Variants in FN1 observed in about 807,000 individuals in gnomAD.
The protein encoded by FN1 is fibronectin 1.
FN1 carries 106 observed loss-of-function variants against 297.3 expected under a neutral mutation model. The observed-to-expected ratio is 0.36, with a 90% CI of 0.30 to 0.42. The LOEUF (loss-of-function observed/expected upper bound fraction) is 0.42. FN1 is among the 10% of genes least tolerant of loss of function. The pLI, the probability that FN1 is intolerant of heterozygous loss-of-function variation, is 1.00. For missense variants in FN1, 2,690 were observed against 3,124.9 expected (o/e 0.86, Z 3.32); for synonymous variants, 1,149 against 1,152.6 (o/e 1.00, Z 0.06).
rs374112006 is a variant in FN1 at position 215,376,653 on chromosome 2, G to A, written c.5732C>T (p.Ala1911Val). ...GGTCTCAGTAGCATCTGTCACACGAGCCCTTCTTGGTGGGCTGACATCTGC... is the reference window on the plus strand; with the variant it reads ...GGTCTCAGTAGCATCTGTCACACGAACCCTTCTTGGTGGGCTGACATCTGC... ...TLENVSPPRR[A>V]RVTDATETTI... Residue 1911 changes from alanine to valine, a missense_variant, in exon 36 of 46, where the codon GCT (alanine) becomes GTT (valine). Ala to Val is a moderately conservative substitution (Grantham distance 64). Transcript: ENST00000354785. 157 of 1,613,910 alleles carry A rather than the reference G, an allele frequency of 9.7e-5. No homozygotes were observed. Among genetic ancestry groups the A allele is most frequent in the Non-Finnish European group, 1.3e-4 (155 of 1,180,006 alleles).
chr2:215,427,004 T>A (rs2065570360), intron 6 of FN1, among the ~76,000 whole-genome samples: 1 of 151,470 alleles, frequency 6.6e-6, no homozygotes, highest in African/African-American at 2.4e-5. Flanking sequence ...GCCTCCCGAG[T>A]AGCTGGGACT....
chr2:215,371,678 T>C (rs1167926142), intron 40 of FN1, among the ~76,000 whole-genome samples: 2 of 148,968 alleles, frequency 1.3e-5, no homozygotes, highest in Non-Finnish European at 3.0e-5. Context: ...AGCCACTTTT[T>C]TTTTTTTTTT....
At position 215,375,244 on chromosome 2, in the gene FN1, G is replaced by A. The variant is rs781268073; in HGVS notation, c.6127C>T (p.Arg2043Cys). The change falls in exon 38 of 46, where the codon CGC (arginine) becomes TGC (cysteine). Residue 2043 changes from arginine to cysteine, a missense_variant. Around this residue, in one of 3 missense-constraint regions of FN1, gnomAD observed 1,743 missense variants for 1,945.2 expected, o/e 0.90. Coordinates refer to ENST00000354785, the MANE Select transcript of FN1 (RefSeq NM_212482.4). ...SPPREVVPRP[R>C]PGVTEATITG... ...ATAGTAGCCTCTGTGACACCAGGGC[G>A]GGGCCGAGGGACCACTTCTCTGGGA... is the stretch of plus-strand genomic sequence containing the variant. 2.9e-5 allele frequency: 46 copies of A among 1,613,986 alleles called. No individual in the cohort carries two copies. Among genetic ancestry groups the A allele is most frequent in the East Asian group, 6.7e-5 (3 of 44,886 alleles).
At chr2:215,419,193 GTTATAA>G in intron 12 of FN1, 43 bp downstream of exon 12, 2 of 1,576,706 alleles carry the variant, frequency 1.3e-6, no homozygotes, top group South Asian at 2.2e-5. Context: ...CTGCCCTGTT[GTTATAA>G]CCCAATTGGC....
rs773443086 is a variant in FN1 at position 215,367,966 on chromosome 2, A to G, written c.6915T>C (p.His2305=). 21 of 1,614,054 alleles carry G rather than the reference A, an allele frequency of 1.3e-5. No homozygotes were observed. The highest frequency in any genetic ancestry group is 2.7e-5 in the African/African-American group (2 of 74,942). The part of the protein sequence containing the change: ...DSCFDPYTVS[H]YAVGDEWERM... Reference sequence around the variant, plus strand: ...GTTCCCACTCATCTCCAACGGCATAATGGGAAACTGTGTAGGGGTCAAAGC... The same window carrying G: ...GTTCCCACTCATCTCCAACGGCATAGTGGGAAACTGTGTAGGGGTCAAAGC... Residue 2305 remains histidine, a synonymous_variant, in exon 42 of 46, where the codon CAT becomes CAC. Transcript: ENST00000354785.
chr2:215,392,639 C>G, intron 25 of FN1: 1 of 422,658 alleles, frequency 2.4e-6, no homozygotes, highest in Non-Finnish European at 4.4e-6. Context: ...AATTCTAGGT[C>G]TTCAAATTGA....
intron 44 of FN1, chr2:215,364,654 A>G: frequency 1.7e-6 from 1 of 589,852 alleles, no homozygotes; most frequent in Non-Finnish European, 3.0e-6. Context: ...TCTACATGCC[A>G]TTCATTCATT....
chr2:215,435,820 G>C lies in FN1; in HGVS notation c.-18C>G. 6.5e-7 allele frequency: 1 copy of C among 1,530,228 alleles called. No homozygotes were observed. Among genetic ancestry groups the C allele is most frequent in the Non-Finnish European group, 8.8e-7 (1 of 1,140,822 alleles). 94.8% of individuals were successfully genotyped at this position (1,530,228 alleles called of 1,614,324 possible). A position where few individuals can be genotyped will look rare whatever the true frequency, so the allele number is the denominator to read the frequency against. On this transcript the variant is annotated 5_prime_UTR_variant, in exon 1 of 46. Coordinates refer to ENST00000354785, the MANE Select transcript of FN1 (RefSeq NM_212482.4). ...CTAAGCATGTTGAGACGGTGGGGGA[G>C]AGACGCCCGCACCGGGAGGCAAGTT...
chr2:215,381,027 T>G lies in FN1; in HGVS notation c.5218A>C (p.Lys1740Gln). 1 of 1,614,258 alleles carries G rather than the reference T, an allele frequency of 6.2e-7. No individual in the cohort carries two copies. The change falls in exon 33 of 46, where the codon AAA becomes CAA. Residue 1740 changes from lysine (K) to glutamine (Q), a missense_variant. Coordinates refer to ENST00000354785, the MANE Select transcript of FN1 (RefSeq NM_212482.4). ...CCCTGTGGGCTTTCCCAAGCAATTT[T>G]GATGGAATCGACATCCACATCAGTG... ...AFTDVDVDSI[K>Q]IAWESPQGQV...
rs1426137436 is a variant in FN1 at position 215,379,190 on chromosome 2, T to C, written c.5562A>G (p.Gly1854=). Residue 1854 remains glycine (G), a synonymous_variant, in exon 34 of 46, where the codon GGA becomes GGG. Coordinates refer to ENST00000354785, the MANE Select transcript of FN1 (RefSeq NM_212482.4). ...RVRVTPKEKT[G]PMKEINLAPD... ...GAGCAAGGTTGATTTCTTTCATTGG[T>C]CCGGTCTTCTCCTTGGGGGTCACCC... 1 of 1,613,942 alleles carries C rather than the reference T, an allele frequency of 6.2e-7. No individual in the cohort carries two copies. Among genetic ancestry groups the C allele is most frequent in the Admixed American group, 1.7e-5 (1 of 59,990 alleles).
At chr2:215,423,086 AT>A (rs1450532611) in intron 9 of FN1, among the ~76,000 whole-genome samples, 2 of 152,286 alleles carry the variant, frequency 1.3e-5, no homozygotes, top group Non-Finnish European at 2.9e-5. Context: ...ATAAGTAATT[AT>A]ATTTTTGACA....
At chr2:215,366,731 A>G (rs982937629) in intron 42 of FN1, among the ~76,000 whole-genome samples, 3 of 152,240 alleles carry the variant, frequency 2.0e-5, no homozygotes, top group Non-Finnish European at 4.4e-5. Flanking sequence ...AACAAAGATT[A>G]TGTAAGTTGA....
Position 215,409,567 on chromosome 2 carries a change from G to A in FN1, c.2295C>T (p.Tyr765=). 2 of 1,613,078 alleles carry A rather than the reference G, an allele frequency of 1.2e-6. No homozygotes were observed. The highest frequency in any genetic ancestry group is 1.7e-6 in the Non-Finnish European group (2 of 1,179,944). ...ELSEEGDEPQ[Y]LDLPSTATSV... is the part of the protein sequence containing the mutation. ...TGAGCGACATATTGAGCTTACCCAG[G>A]TACTGTGGCTCATCTCCCTCCTCAC... The change falls in exon 15 of 46, where the codon TAC becomes TAT. Residue 765 remains tyrosine, a synonymous_variant. Transcript: ENST00000354785.
At chr2:215,366,098 G>A (rs1253585873) in intron 42 of FN1, among the ~76,000 whole-genome samples, 14 of 151,520 alleles carry the variant, frequency 9.2e-5, no homozygotes, top group Admixed American at 2.0e-4. Flanking sequence ...GATTACAGGT[G>A]TGAGCCACCA....
intron 44 of FN1, among the ~76,000 whole-genome samples, chr2:215,364,093 A>C (rs2054054351): frequency 6.6e-6 from 1 of 152,128 alleles, no homozygotes; most frequent in South Asian, 2.1e-4. Flanking sequence ...CCTACCCAGA[A>C]CTGTATTTGT....
chr2:215,423,567 G>A (rs932386267), intron 8 of FN1, 41 bp from the exon 9 acceptor site: 27 of 1,588,172 alleles, frequency 1.7e-5, no homozygotes, highest in South Asian at 2.2e-5. Context: ...AAAGATTACC[G>A]CTGAGCTTTC....
At position 215,384,181 on chromosome 2, in the gene FN1, C is replaced by T. The variant is rs758511953; in HGVS notation, c.4733G>A (p.Gly1578Glu). The change falls in exon 30 of 46, where the codon GGA (glycine) becomes GAA (glutamate). Residue 1578 changes from glycine (G) to glutamate (E), a missense_variant. Around this residue, in one of 3 missense-constraint regions of FN1, gnomAD observed 1,743 missense variants for 1,945.2 expected, o/e 0.90. Coordinates refer to ENST00000354785, the MANE Select transcript of FN1 (RefSeq NM_212482.4). The part of the protein sequence containing the change: ...YYRITYGETG[G>E]NSPVQEFTVP... Reference sequence around the variant, plus strand: ...AGTGAACTCCTGGACAGGGCTATTTCCTCCTGTATGAAAAAGGGTTAGTTC... The same window carrying T: ...AGTGAACTCCTGGACAGGGCTATTTTCTCCTGTATGAAAAAGGGTTAGTTC... The T allele has an allele frequency of 6.2e-7, 1 of 1,613,980 alleles. No homozygotes were observed. Among genetic ancestry groups the T allele is most frequent in the Non-Finnish European group, 8.5e-7 (1 of 1,180,000 alleles).
chr2:215,434,700 A>G lies in FN1; in HGVS notation c.273T>C (p.Pro91=), dbSNP rs2067152860. The change falls in exon 2 of 46, where the codon CCT becomes CCC. Residue 91 remains proline, a synonymous_variant. Coordinates refer to ENST00000354785, the MANE Select transcript of FN1 (RefSeq NM_212482.4). ...GSRGFNCESK[P]EAEETCFDKY... ...ATGGGGCTTGTTGTCACTTACCTTC[A>G]GGTTTACTCTCGCAGTTAAAACCTC... The G allele has an allele frequency of 1.9e-6, 3 of 1,614,088 alleles. No individual in the cohort carries two copies. Among genetic ancestry groups the G allele is most frequent in the Non-Finnish European group, 2.5e-6 (3 of 1,180,036 alleles).
rs1356413946 is a variant in FN1, at chr2:215,372,482, T to TA, written c.6248-108dup. The TA allele has an allele frequency of 5.9e-6, 5 of 841,210 alleles. No individual in the cohort carries two copies. In the Admixed American group the frequency reaches 9.5e-5, roughly 16 times the overall value. 52.1% of individuals were successfully genotyped at this position (841,210 alleles called of 1,614,324 possible). Reference sequence around the variant, plus strand: ...CAACAATGACTGTTCATCAATTTGATAAAAGCCACCAGAAAATGAGCAGTT... The same window carrying TA: ...CAACAATGACTGTTCATCAATTTGATAAAAAGCCACCAGAAAATGAGCAGTT... On this transcript the variant is annotated intron_variant, in intron 39 of 45. Transcript: ENST00000354785.
Sources: gnomAD v4.1 joint callset for allele counts (sites outside exome capture counted in the v4.1 genomes callset) on GRCh38, gnomAD v4.1.1 for gene constraint, gnomAD v4.1.1 regional missense constraint, MANE v1.5 for transcripts, NCBI Gene and HGNC (gene_info 2026-07-23, HGNC 2026-07-21) for gene names.